EPB41L1: variants seen among roughly 807,000 people sequenced by gnomAD.
EPB41L1 encodes the protein band 4.1-like protein 1.
EPB41L1 carries 29 observed loss-of-function variants against 97.8 expected under a neutral mutation model. The ratio of observed to expected loss-of-function variants is 0.30; its 90% confidence interval spans 0.22 to 0.40. The LOEUF is 0.40. EPB41L1 is among the 10% of genes least tolerant of loss of function. The pLI is 1.00. For synonymous variants in EPB41L1, 383 were observed against 459.2 expected (o/e 0.83, Z 2.12); for missense variants, 812 against 1,162.3 (o/e 0.70, Z 4.38).
chr20:36,116,451 C>T (rs2147634163), intron 2 of EPB41L1, among the ~76,000 whole-genome samples: 1 of 152,306 alleles, frequency 6.6e-6, no homozygotes, highest in Non-Finnish European at 1.5e-5. Flanking sequence ...GAGCTCAACA[C>T]AGGTGCCCAT....
intron 2 of EPB41L1, among the ~76,000 whole-genome samples, chr20:36,136,966 C>A (rs767298844): frequency 9.2e-5 from 14 of 152,132 alleles, no homozygotes; most frequent in Non-Finnish European, 1.8e-4. Context: ...GCAGCCCCAA[C>A]CTCCCAGGCT....
In EPB41L1 at chr20:36,097,676, C is replaced by T. The variant is rs868688827; in HGVS notation, c.-65+6064C>T. Among the ~76,000 whole-genome samples, 55 of 152,162 alleles carry T rather than the reference C, an allele frequency of 3.6e-4. 1 individual carries two copies. The highest frequency in any genetic ancestry group is 3.3e-4 in the Admixed American group (5 of 15,272). ...TGGCTGTTTATGGAGGAAAAGGCTT[C>T]CTGGAGGACAGAGATGGTGTTTGGG... On this transcript the variant is annotated intron_variant, in intron 1 of 19. Coordinates refer to the EPB41L1 transcript ENST00000202028.
At chr20:36,170,186 A>AT (rs1569192442) in intron 1 of EPB41L1, among the ~76,000 whole-genome samples, 1 of 152,148 alleles carries the variant, frequency 6.6e-6, no homozygotes, top group Non-Finnish European at 1.5e-5. Flanking sequence ...AATTTTTAAA[A>AT]GGTTTAAACA....
intron 1 of EPB41L1, among the ~76,000 whole-genome samples, chr20:36,171,466 C>T (rs1388632493): frequency 6.6e-6 from 1 of 152,074 alleles, no homozygotes; most frequent in African/African-American, 2.4e-5. Context: ...GTGATGGGGA[C>T]CCAGGCCTTC....
chr20:36,105,161 G>A (rs2058149370), intron 1 of EPB41L1, among the ~76,000 whole-genome samples: 1 of 152,196 alleles, frequency 6.6e-6, no homozygotes, highest in Non-Finnish European at 1.5e-5. Context: ...AGCAGCAAGA[G>A]ACATGACTGT....
intron 11 of EPB41L1, among the ~76,000 whole-genome samples, chr20:36,193,621 G>A (rs1279352960): frequency 6.6e-6 from 1 of 152,176 alleles, no homozygotes; most frequent in Non-Finnish European, 1.5e-5. Flanking sequence ...AGGTGTTATT[G>A]CAGGCATCTC....
intron 2 of EPB41L1, among the ~76,000 whole-genome samples, chr20:36,126,449 C>T (rs1004914805): frequency 2.0e-5 from 3 of 151,634 alleles, no homozygotes; most frequent in African/African-American, 7.3e-5. Context: ...TCACTGCAAC[C>T]TCTGCCTCCC....
intron 2 of EPB41L1, among the ~76,000 whole-genome samples, chr20:36,119,117 G>C (rs1263083982): frequency 1.3e-5 from 2 of 152,248 alleles, no homozygotes; most frequent in African/African-American, 4.8e-5. Flanking sequence ...TTGAGAGGGA[G>C]ACTGGGATGA....
intron 2 of EPB41L1, among the ~76,000 whole-genome samples, chr20:36,138,676 A>C (rs759451685): frequency 2.0e-5 from 3 of 152,240 alleles, no homozygotes; most frequent in Non-Finnish European, 2.9e-5. Context: ...AGTAGTAGGA[A>C]GAATTATCCC....
In EPB41L1 at chr20:36,229,290, C is replaced by T. The variant is rs559620460; in HGVS notation, c.2638-42C>T. On this transcript the variant is annotated intron_variant, in intron 21 of 21. Coordinates refer to ENST00000338074, the MANE Select transcript of EPB41L1 (RefSeq NM_012156.2). ...CTTGTCCTCTTCCTTCCTTTCCCCC[C>T]ACTCCCCACCCCCCATTCTACCCCA... is the stretch of plus-strand genomic sequence containing the variant. The T allele has an allele frequency of 4.7e-6, 7 of 1,483,668 alleles. No individual in the cohort carries two copies. In the African/African-American group the frequency reaches 5.5e-5, roughly 12 times the overall value. 91.9% of individuals were successfully genotyped at this position (1,483,668 alleles called of 1,614,324 possible). A position where few individuals can be genotyped will look rare whatever the true frequency, so the allele number is the denominator to read the frequency against.
chr20:36,190,257 C>A lies in EPB41L1; in HGVS notation c.1027-20C>A. ...AGTGAGCTCAGGCCCTGCCTCTAAC[C>A]TGCCCTTTTGGTTTTCCAGTATGAG... is the stretch of plus-strand genomic sequence containing the variant. On this transcript the variant is annotated intron_variant, in intron 9 of 21. Coordinates refer to ENST00000338074, the MANE Select transcript of EPB41L1 (RefSeq NM_012156.2). This position sits in a 1 kb window ranked among gnomAD's most constrained non-coding sequence, Gnocchi z 5.8. 6.2e-7 allele frequency: 1 copy of A among 1,606,478 alleles called. No homozygotes were observed.
At chr20:36,153,109 G>A (rs945819684), upstream of EPB41L1, 5 of 456,630 alleles carry the variant, frequency 1.1e-5, no homozygotes, top group African/African-American at 1.0e-4. Context: ...GTTTAAGTTG[G>A]AGAAGAGAAG....
intron 2 of EPB41L1, among the ~76,000 whole-genome samples, chr20:36,140,927 C>T (rs963594376): frequency 6.6e-6 from 1 of 152,170 alleles, no homozygotes; most frequent in Non-Finnish European, 1.5e-5. Flanking sequence ...GCTAAGATTT[C>T]CGAGGAGGCA....
Position 36,216,151 on chromosome 20 carries a change from C to T in EPB41L1, c.2268+1711C>T, listed in dbSNP as rs76309148. Among the ~76,000 whole-genome samples, 1,382 of 152,288 alleles carry T rather than the reference C, an allele frequency of 9.1e-3. 8 individuals carry two copies. Among genetic ancestry groups the T allele is most frequent in the Non-Finnish European group, 0.015 (1,015 of 68,018 alleles). On this transcript the variant is annotated intron_variant, in intron 17 of 21. Transcript: ENST00000338074. ...TCATGGGACAGTGTAATAATGCTAT[C>T]CTAGGGGCCACCAGGAGGACAGCTA... is the stretch of plus-strand genomic sequence containing the variant.
chr20:36,218,018 C>T (rs1425185196), intron 17 of EPB41L1, among the ~76,000 whole-genome samples: 1 of 152,094 alleles, frequency 6.6e-6, no homozygotes, highest in African/African-American at 2.4e-5. Context: ...GGCGCCAGAT[C>T]GGGGGCAGTA....
intron 4 of EPB41L1, 90 bp downstream of exon 4, chr20:36,178,146 A>G: frequency 1.1e-6 from 1 of 927,210 alleles, no homozygotes; most frequent in Non-Finnish European, 1.8e-6. Context: ...TAGTGCTCAA[A>G]TCATTAAGCA....
intron 1 of EPB41L1, among the ~76,000 whole-genome samples, chr20:36,099,623 C>T (rs748710838): frequency 1.1e-4 from 17 of 152,160 alleles, no homozygotes; most frequent in Non-Finnish European, 2.2e-4. Flanking sequence ...TCAGAGGCAT[C>T]CCATGAAGTG....
At chr20:36,193,051 G>T (rs533786841) in intron 11 of EPB41L1, among the ~76,000 whole-genome samples, 28 of 152,286 alleles carry the variant, frequency 1.8e-4, no homozygotes, top group African/African-American at 6.7e-4. Context: ...GTAGACAGAG[G>T]ACTGACAACT....
intron 1 of EPB41L1, among the ~76,000 whole-genome samples, chr20:36,099,553 GAGCCC>G (rs949423584): frequency 3.3e-5 from 5 of 152,152 alleles, no homozygotes; most frequent in African/African-American, 9.6e-5. Context: ...ATTCTCCTCA[GAGCCC>G]AGCCCAGCCC....
Sources: allele counts gnomAD v4.1 joint callset (sites outside exome capture counted in the v4.1 genomes callset), GRCh38; gene constraint gnomAD v4.1.1; non-coding constraint Gnocchi (gnomAD v3.1); transcripts MANE v1.5; gene names NCBI Gene and HGNC (gene_info 2026-07-23, HGNC 2026-07-21).